FLT3LG: variants seen among roughly 807,000 people sequenced by gnomAD.
FLT3LG encodes fms related receptor tyrosine kinase 3 ligand.
FLT3LG carries 8 observed loss-of-function variants against 30.9 expected under a neutral mutation model. That is an observed-to-expected ratio of 0.26 (90% CI 0.15 to 0.47). The LOEUF (loss-of-function observed/expected upper bound fraction) is 0.47. FLT3LG is among the 20% of genes least tolerant of loss of function. The probability of loss-of-function intolerance (pLI) is 0.99; values close to 1 mark genes in which losing one functional copy is unlikely to be tolerated. For synonymous variants in FLT3LG, 123 were observed against 135.9 expected (o/e 0.91, Z 0.66); for missense variants, 278 against 306.2 (o/e 0.91, Z 0.69).
chr19:49,474,532 G>GAA, intron 1 of FLT3LG, 71 bp from the exon 2 acceptor site: 1 of 1,115,152 alleles, frequency 9.0e-7, no homozygotes, highest in Non-Finnish European at 1.3e-6. Flanking sequence ...GAGGGGCGGG[G>GAA]AGGCAAAGGG....
intron 8 of FLT3LG, among the ~76,000 whole-genome samples, chr19:49,484,448 C>T (rs1248323016): frequency 6.6e-6 from 1 of 151,820 alleles, no homozygotes; most frequent in East Asian, 1.9e-4. Context: ...GCGCCTGCCA[C>T]CACGCCCAAC....
chr19:49,481,174 T>C (rs2079597717), intron 8 of FLT3LG: 1 of 154,522 alleles, frequency 6.5e-6, no homozygotes, highest in Admixed American at 6.5e-5. Flanking sequence ...GTGGAGTGGA[T>C]GGGCAGAGAG....
chr19:49,484,578 C>T (rs1437378673), intron 8 of FLT3LG, among the ~76,000 whole-genome samples: 2 of 152,058 alleles, frequency 1.3e-5, no homozygotes, highest in Non-Finnish European at 1.5e-5. Context: ...CTCACTGCAA[C>T]ATCTGCCTCC....
rs367551792 is a variant in FLT3LG, at chr19:49,476,178, G to C, written c.178G>C (p.Val60Leu). The change falls in exon 4 of 9, where the codon GTG becomes CTG. Residue 60 changes from valine (V) to leucine (L), a missense_variant. By Grantham distance (32) the Val-to-Leu change is conservative. Transcript: ENST00000597551. The surrounding 1 kb of genome is among the most constrained non-coding windows in gnomAD (Gnocchi z 5.3). The part of the protein sequence containing the change: ...DYLLQDYPVT[V>L]ASNLQDEELC... ...CCTGCTTCAAGATTACCCAGTCACC[G>C]TGGCCTCCAACCTGCAGGACGTAAG... The C allele has an allele frequency of 1.2e-6, 2 of 1,613,270 alleles. No homozygotes were observed. The highest frequency in any genetic ancestry group is 1.7e-6 in the Non-Finnish European group (2 of 1,179,790).
chr19:49,480,157 T>A (rs556687121), intron 6 of FLT3LG, 141 bp from the exon 7 acceptor site: 125 of 629,850 alleles, frequency 2.0e-4, no homozygotes, highest in Non-Finnish European at 3.4e-4. Flanking sequence ...ATGATTATCC[T>A]AGTTTTACAG....
chr19:49,481,858 A>G (rs894704704), intron 8 of FLT3LG: 2 of 151,204 alleles, frequency 1.3e-5, no homozygotes, highest in African/African-American at 4.9e-5. Context: ...TGCCTGGCTA[A>G]TTTTTTGTAT....
chr19:49,475,938 G>A, intron 3 of FLT3LG, 137 bp downstream of exon 3: 1 of 1,029,822 alleles, frequency 9.7e-7, no homozygotes. Context: ...CTCCCACCTT[G>A]GCCTCCCAAA....
chr19:49,478,847 T>G, intron 5 of FLT3LG, 62 bp from the exon 6 acceptor site: 1 of 1,417,752 alleles, frequency 7.1e-7, no homozygotes, highest in Non-Finnish European at 9.3e-7. Context: ...GAAGGGCCTT[T>G]GGCCTGCGGA....
Position 49,479,057 on chromosome 19 carries a change from T to C in FLT3LG, c.481+10T>C. The C allele has an allele frequency of 6.2e-7, 1 of 1,603,570 alleles. No individual in the cohort carries two copies. The highest frequency in any genetic ancestry group is 1.1e-5 in the South Asian group (1 of 89,092). Reference sequence around the variant, plus strand: ...CTGCAGTGTCAGCCCGGTAAAGGCTTCCAGGCACCCCCACTCCTTCCCCTC... The same window carrying C: ...CTGCAGTGTCAGCCCGGTAAAGGCTCCCAGGCACCCCCACTCCTTCCCCTC... On this transcript the variant is annotated intron_variant, in intron 6 of 8. Transcript: ENST00000597551.
chr19:49,478,927 C>A lies in FLT3LG; in HGVS notation c.361C>A (p.Arg121Ser). 3 of 1,546,282 alleles carry A rather than the reference C, an allele frequency of 1.9e-6. No homozygotes were observed. The highest frequency in any genetic ancestry group is 2.6e-6 in the Non-Finnish European group (3 of 1,144,870). The change falls in exon 6 of 9, where the codon CGC becomes AGC. Residue 121 changes from arginine (R) to serine (S), a missense_variant. Coordinates refer to ENST00000597551, the MANE Select transcript of FLT3LG (RefSeq NM_001459.4). ...CAFQPPPSCL[R>S]FVQTNISRLL... is the part of the protein sequence containing the mutation. ...CTCCCAGCCCCCCCCCAGCTGTCTT[C>A]GCTTCGTCCAGACCAACATCTCCCG...
chr19:49,475,678 C>T lies in FLT3LG; in HGVS notation c.34-13C>T, dbSNP rs760582043. ...AACAGCAGAGGGCTCCCCCAGCACCCGCTCCCCTGCAGACCTATCTCCTCC... is the reference window on the plus strand; with the variant it reads ...AACAGCAGAGGGCTCCCCCAGCACCTGCTCCCCTGCAGACCTATCTCCTCC... On this transcript the variant is annotated splice_polypyrimidine_tract_variant and intron_variant, in intron 2 of 8. Coordinates refer to ENST00000597551, the MANE Select transcript of FLT3LG (RefSeq NM_001459.4). 144 of 1,601,262 alleles carry T rather than the reference C, an allele frequency of 9.0e-5. 1 individual carries two copies. Among genetic ancestry groups the T allele is most frequent in the Non-Finnish European group, 4.2e-5 (49 of 1,179,660 alleles).
chr19:49,485,398 C>T (rs1033751754), intron 8 of FLT3LG, among the ~76,000 whole-genome samples: 5 of 151,752 alleles, frequency 3.3e-5, no homozygotes, highest in Non-Finnish European at 7.4e-5. Context: ...TACAGACATG[C>T]ACCACCATGC....
chr19:49,484,260 T>A (rs1322729549), intron 8 of FLT3LG, among the ~76,000 whole-genome samples: 1 of 150,060 alleles, frequency 6.7e-6, no homozygotes, highest in African/African-American at 2.4e-5. Flanking sequence ...CCAATCTGTT[T>A]CCTGTCTTAA....
chr19:49,477,382 T>C (rs974006597), intron 5 of FLT3LG, among the ~76,000 whole-genome samples: 1 of 151,652 alleles, frequency 6.6e-6, no homozygotes, highest in Non-Finnish European at 1.5e-5. Flanking sequence ...AGGTCGAGGC[T>C]GCGATGAGCT....
intron 8 of FLT3LG, among the ~76,000 whole-genome samples, chr19:49,482,854 C>T (rs1601129427): frequency 1.3e-5 from 2 of 151,876 alleles, no homozygotes; most frequent in East Asian, 2.0e-4. Context: ...GTCTCGAACT[C>T]CTGACCTCAT....
rs1380618324 is a variant in FLT3LG at position 49,480,273 on chromosome 19, C to T, written c.482-25C>T. Reference sequence around the variant, plus strand: ...CCTTACCCCAGCCCTTCTCCTTGGTCACCCAGCCTCCTCTTTCTCCCCAGA... The same window carrying T: ...CCTTACCCCAGCCCTTCTCCTTGGTTACCCAGCCTCCTCTTTCTCCCCAGA... On this transcript the variant is annotated intron_variant, in intron 6 of 8. Coordinates refer to ENST00000597551, the MANE Select transcript of FLT3LG (RefSeq NM_001459.4). 4 of 1,533,226 alleles carry T rather than the reference C, an allele frequency of 2.6e-6. No homozygotes were observed. In the African/African-American group the frequency reaches 5.5e-5, roughly 21 times the overall value. 95.0% of individuals were successfully genotyped at this position (1,533,226 alleles called of 1,614,324 possible).
chr19:49,478,789 CT>C (rs767950924), intron 5 of FLT3LG, 119 bp from the exon 6 acceptor site: 164 of 882,608 alleles, frequency 1.9e-4, no homozygotes, highest in Non-Finnish European at 2.4e-4. Flanking sequence ...TAAATAAACT[CT>C]GAGAGCCAGA....
chr19:49,476,738 C>A lies in FLT3LG; in HGVS notation c.342+172C>A. 2.5e-6 allele frequency: 2 copies of A among 811,518 alleles called. No homozygotes were observed. The highest frequency in any genetic ancestry group is 3.8e-6 in the Non-Finnish European group (2 of 527,770). 50.3% of individuals were successfully genotyped at this position (811,518 alleles called of 1,614,324 possible). ...TCCTACAGAACAACACGTCCCCAGG[C>A]ACCGGTGATGGGGAGCAGTCTGGTC... On this transcript the variant is annotated intron_variant, in intron 5 of 8. Transcript: ENST00000597551. The surrounding 1 kb of genome is among the most constrained non-coding windows in gnomAD (Gnocchi z 5.3).
At chr19:49,480,664 G>T in intron 8 of FLT3LG, 44 bp downstream of exon 8, 2 of 1,554,912 alleles carry the variant, frequency 1.3e-6, no homozygotes, top group Non-Finnish European at 1.7e-6. Context: ...TGTGTCTGCA[G>T]GTTGGGAGGG....
Sources: gnomAD v4.1 joint callset for allele counts (sites outside exome capture counted in the v4.1 genomes callset) on GRCh38, gnomAD v4.1.1 for gene constraint, Gnocchi (gnomAD v3.1) non-coding constraint, MANE v1.5 for transcripts, NCBI Gene and HGNC (gene_info 2026-07-23, HGNC 2026-07-21) for gene names.